CLTRN: variants seen among roughly 807,000 people sequenced by gnomAD.
CLTRN encodes collectrin, amino acid transport regulator.
A neutral mutation model predicts 14.5 loss-of-function variants in CLTRN; 12 were observed. That is an observed-to-expected ratio of 0.83 (90% CI 0.53 to 1.34). The LOEUF (loss-of-function observed/expected upper bound fraction) is 1.34, where lower values mean the gene tolerates loss of function less well. Ranked by LOEUF, CLTRN falls within the 40% of genes most tolerant of loss-of-function variation. The pLI is 0.00. For synonymous variants in CLTRN, 58 were observed against 56.5 expected, an observed-to-expected ratio of 1.03 and a Z score of -0.12; for missense variants, 154 against 165.1, an observed-to-expected ratio of 0.93 and a Z score of 0.37.
chrX:15,657,902 C>T (rs2147211786), intron 3 of CLTRN, among the ~76,000 whole-genome samples: 1 of 111,678 alleles, frequency 9.0e-6, no homozygotes, highest in South Asian at 3.7e-4. Context: ...TATATGTGTT[C>T]ATTTTGCTCC....
intron 3 of CLTRN, chrX:15,646,559 C>T: frequency 3.0e-6 from 1 of 336,661 alleles, no homozygotes; most frequent in South Asian, 2.6e-5. Context: ...TCACCTACTT[C>T]CACGGGAAGC....
chrX:15,662,316 A>T (rs761698117), intron 2 of CLTRN, among the ~76,000 whole-genome samples: 1 of 110,933 alleles, frequency 9.0e-6, no homozygotes, highest in Non-Finnish European at 1.9e-5. Flanking sequence ...CACTTCCTCC[A>T]TAGACACGTC....
intron 1 of CLTRN, among the ~76,000 whole-genome samples, chrX:15,674,136 G>T (rs1929771128): frequency 8.9e-6 from 1 of 112,626 alleles, no homozygotes; most frequent in African/African-American, 3.2e-5. Flanking sequence ...ATGAATGAAT[G>T]AATGGCTAAT....
At chrX:15,661,475 A>G (rs201492485) in intron 2 of CLTRN, among the ~76,000 whole-genome samples, 169 of 112,528 alleles carry the variant, frequency 1.5e-3, no homozygotes, top group African/African-American at 5.1e-3. Flanking sequence ...GAACCAACTT[A>G]TCTTGGGCAA....
chrX:15,673,415 A>G (rs1418957476), intron 1 of CLTRN, among the ~76,000 whole-genome samples: 2 of 112,285 alleles, frequency 1.8e-5, no homozygotes, highest in Non-Finnish European at 3.8e-5. Context: ...TACTTTATAC[A>G]GTGTTGCCTA....
At chrX:15,642,599 T>G (rs1165728089) in intron 4 of CLTRN, among the ~76,000 whole-genome samples, 1 of 112,066 alleles carries the variant, frequency 8.9e-6, no homozygotes, top group Non-Finnish European at 1.9e-5. Context: ...TGTAAAGGAA[T>G]GACCAACCAA....
At chrX:15,666,939 T>C (rs1178658546), upstream of CLTRN, among the ~76,000 whole-genome samples, 2 of 112,415 alleles carry the variant, frequency 1.8e-5, no homozygotes, top group East Asian at 2.8e-4. Context: ...GCTAAGAACA[T>C]AGAAATCTGC....
chrX:15,673,504 C>T (rs1929756186), intron 1 of CLTRN, among the ~76,000 whole-genome samples: 2 of 112,674 alleles, frequency 1.8e-5, no homozygotes, highest in African/African-American at 6.5e-5. Flanking sequence ...ACAGGCTGCA[C>T]TTGATCCCAT....
chrX:15,632,163 G>A (rs6527618), intron 5 of CLTRN, among the ~76,000 whole-genome samples: 31,152 of 110,682 alleles, frequency 0.28, 3,584 homozygotes, highest in East Asian at 0.52. Flanking sequence ...AAGAGGGGAG[G>A]AAAGAAGTAT....
At chrX:15,644,820 T>C in intron 4 of CLTRN, 96 bp downstream of exon 4, 1 of 520,732 alleles carries the variant, frequency 1.9e-6, no homozygotes, top group Non-Finnish European at 3.1e-6. Flanking sequence ...AATTCATGTA[T>C]GAAACAGATA....
chrX:15,640,021 G>C (rs1928904701), intron 4 of CLTRN, among the ~76,000 whole-genome samples: 1 of 112,054 alleles, frequency 8.9e-6, no homozygotes, highest in Admixed American at 9.4e-5. Flanking sequence ...TGAGCTTTGA[G>C]CTCTGTCCAC....
At chrX:15,668,520 TTTTAA>T (rs1324285968), upstream of CLTRN, among the ~76,000 whole-genome samples, 2 of 112,475 alleles carry the variant, frequency 1.8e-5, no homozygotes, top group African/African-American at 6.5e-5. Flanking sequence ...TAAAACATTT[TTTTAA>T]TTTATTTTTA....
At chrX:15,640,494 C>A (rs1277917139) in intron 4 of CLTRN, among the ~76,000 whole-genome samples, 1 of 112,639 alleles carries the variant, frequency 8.9e-6, no homozygotes, top group East Asian at 2.8e-4. Flanking sequence ...TTTTCCTGGG[C>A]AAAGCCCAGA....
upstream of CLTRN, among the ~76,000 whole-genome samples, chrX:15,675,313 A>G (rs1374151119): frequency 9.0e-6 from 1 of 111,626 alleles, no homozygotes; most frequent in Non-Finnish European, 1.9e-5. Context: ...AGGGTGGAAA[A>G]GTGGCCACAG....
chrX:15,663,591 T>G (rs753636730), intron 2 of CLTRN, among the ~76,000 whole-genome samples: 6 of 112,079 alleles, frequency 5.4e-5, no homozygotes, highest in African/African-American at 1.9e-4. Context: ...TCATTACTCA[T>G]TGAGTCAATA....
chrX:15,653,267 G>A (rs1217724593), intron 3 of CLTRN, among the ~76,000 whole-genome samples: 1 of 110,085 alleles, frequency 9.1e-6, no homozygotes, highest in Non-Finnish European at 1.9e-5. Flanking sequence ...ACTTCAAGAT[G>A]ACTACACTTA....
At chrX:15,674,947 GAA>G (rs2147220868) in intron 1 of CLTRN, 1 of 113,818 alleles carries the variant, frequency 8.8e-6, no homozygotes, top group African/African-American at 3.2e-5. Flanking sequence ...GGACTGGCCA[GAA>G]AAGAGAGGTG....
At chrX:15,641,439 T>G (rs1340080608) in intron 4 of CLTRN, among the ~76,000 whole-genome samples, 1 of 112,282 alleles carries the variant, frequency 8.9e-6, no homozygotes, top group Non-Finnish European at 1.9e-5. Flanking sequence ...AATGTATTTT[T>G]TGTCCAATAT....
chrX:15,662,090 C>A (rs1028542096), intron 2 of CLTRN, among the ~76,000 whole-genome samples: 8 of 110,845 alleles, frequency 7.2e-5, no homozygotes, highest in African/African-American at 2.6e-4. Context: ...GCCTGGGAAT[C>A]CCTAAGGTTT....
Sources: allele counts gnomAD v4.1 joint callset (sites outside exome capture counted in the v4.1 genomes callset), GRCh38; gene constraint gnomAD v4.1.1; transcripts MANE v1.5; gene names NCBI Gene and HGNC (gene_info 2026-07-23, HGNC 2026-07-21).